Variants in TRIM71 observed in about 807,000 individuals in gnomAD.
TRIM71 encodes the protein E3 ubiquitin-protein ligase TRIM71.
In TRIM71, 9 loss-of-function variants were observed where a neutral mutation model predicts 61.2. That is an observed-to-expected ratio of 0.15 (90% CI 0.09 to 0.26). The LOEUF (loss-of-function observed/expected upper bound fraction) is 0.26, where lower values mean the gene tolerates loss of function less well. TRIM71 is among the 10% of genes least tolerant of loss of function. The probability of loss-of-function intolerance (pLI) is 1.00; values close to 1 mark genes in which losing one functional copy is unlikely to be tolerated. For missense variants in TRIM71, 998 were observed against 1,238.7 expected (o/e 0.81, Z 2.92); for synonymous variants, 645 against 553.2 (o/e 1.17, Z -2.33).
At chr3:32,831,311 C>A (rs1327075748) in intron 1 of TRIM71, among the ~76,000 whole-genome samples, 2 of 108,132 alleles carry the variant, frequency 1.8e-5, no homozygotes, top group African/African-American at 2.7e-5. Flanking sequence ...GACTTGATTT[C>A]TGACCGTTAA....
At chr3:32,847,282 C>T (rs897546497) in intron 1 of TRIM71, among the ~76,000 whole-genome samples, 3 of 151,548 alleles carry the variant, frequency 2.0e-5, no homozygotes, top group African/African-American at 4.9e-5. Context: ...CCGCAACCTC[C>T]GCGTCCCGGG....
chr3:32,844,043 C>CG (rs1350047015), intron 1 of TRIM71, among the ~76,000 whole-genome samples: 6 of 152,254 alleles, frequency 3.9e-5, no homozygotes, highest in African/African-American at 9.6e-5. Flanking sequence ...AAGTATTTTA[C>CG]GGGGAAATTA....
chr3:32,869,445 C>T (rs1696773475), intron 1 of TRIM71, among the ~76,000 whole-genome samples: 2 of 152,220 alleles, frequency 1.3e-5, no homozygotes, highest in African/African-American at 4.8e-5. Flanking sequence ...GTGTTTTAAA[C>T]CTGAAGCTCA....
chr3:32,829,626 TTGTGTG>T (rs10524029), intron 1 of TRIM71, among the ~76,000 whole-genome samples: 18 of 148,784 alleles, frequency 1.2e-4, no homozygotes, highest in Middle Eastern at 3.4e-3. Context: ...TGTCATGGTA[TTGTGTG>T]TGTGTGTGTG....
In TRIM71 at chr3:32,897,506, G is replaced by C. The variant is rs2060832913; in HGVS notation, c.*5695G>C. 6.6e-6 allele frequency: 1 copy of C among 151,842 alleles called. No individual in the cohort carries two copies. The highest frequency in any genetic ancestry group is 1.5e-5 in the Non-Finnish European group (1 of 68,024). The allele number at this position is 151,842 out of a possible 1,614,324, so 9.4% of individuals were successfully genotyped here. ...GGCAAAAGTGAGTTTTTGTTTGGTT[G>C]ATTTTGGGTTTTTTTCCCCCCTCCT... On this transcript the variant is annotated 3_prime_UTR_variant, in exon 4 of 4. Coordinates refer to ENST00000383763, the MANE Select transcript of TRIM71 (RefSeq NM_001039111.3).
intron 1 of TRIM71, among the ~76,000 whole-genome samples, chr3:32,859,698 G>A (rs1316808968): frequency 1.3e-5 from 2 of 152,112 alleles, no homozygotes; most frequent in African/African-American, 4.8e-5. Context: ...TGGGTGCCTG[G>A]GTTCCCTGGC....
intron 1 of TRIM71, among the ~76,000 whole-genome samples, chr3:32,843,897 A>G (rs1251730350): frequency 7.5e-6 from 1 of 133,160 alleles, no homozygotes; most frequent in Non-Finnish European, 1.6e-5. Flanking sequence ...GCCTTTGTGG[A>G]GGAGCTCCAT....
At chr3:32,882,124 T>G (rs1316732737) in intron 2 of TRIM71, among the ~76,000 whole-genome samples, 1 of 147,540 alleles carries the variant, frequency 6.8e-6, no homozygotes, top group East Asian at 1.9e-4. Flanking sequence ...GGGAGTGGTG[T>G]TTTTGTTTTT....
In TRIM71 at chr3:32,849,238, AGGTAGAGCGAGTTCATTT is replaced by A. The variant is rs575477911; in HGVS notation, c.853-24579_853-24562del. Among the ~76,000 whole-genome samples the A allele has an allele frequency of 3.3e-3, 502 of 152,348 alleles. 3 individuals are homozygous for A. Among genetic ancestry groups the A allele is most frequent in the Non-Finnish European group, 5.7e-3 (387 of 68,032 alleles). ...GTAGTTAAACATTGTTTCATGGTGAAGGTAGAGCGAGTTCATTTACCTGCCTTAGATTAGAAACGCTGG... is the reference window on the plus strand; with the variant it reads ...GTAGTTAAACATTGTTTCATGGTGAAACCTGCCTTAGATTAGAAACGCTGG... On this transcript the variant is annotated intron_variant, in intron 1 of 3. Transcript: ENST00000383763.
intron 1 of TRIM71, 139 bp downstream of exon 1, chr3:32,819,071 C>A: frequency 2.1e-6 from 2 of 936,230 alleles, no homozygotes; most frequent in Non-Finnish European, 1.7e-6. Context: ...CGTGGCAGTC[C>A]TTGCTACCAA....
intron 1 of TRIM71, among the ~76,000 whole-genome samples, chr3:32,824,764 A>G (rs965520322): frequency 2.0e-5 from 3 of 152,038 alleles, no homozygotes; most frequent in African/African-American, 7.2e-5. Context: ...GATTTCAGTC[A>G]TGAGCCACCT....
chr3:32,860,375 C>T (rs373226140), intron 1 of TRIM71, among the ~76,000 whole-genome samples: 5 of 151,970 alleles, frequency 3.3e-5, no homozygotes, highest in East Asian at 1.9e-4. Context: ...AGGCCGGTCT[C>T]GAACTCCTGA....
chr3:32,885,078 G>C (rs1696946068), intron 2 of TRIM71, among the ~76,000 whole-genome samples: 1 of 152,188 alleles, frequency 6.6e-6, no homozygotes, highest in South Asian at 2.1e-4. Context: ...AAACCCCTCA[G>C]TACAGAGCAA....
intron 1 of TRIM71, among the ~76,000 whole-genome samples, chr3:32,868,177 A>G (rs971679078): frequency 6.6e-6 from 1 of 152,048 alleles, no homozygotes; most frequent in African/African-American, 2.4e-5. Context: ...CTGTGTCCAT[A>G]CTGACTGCCT....
At chr3:32,854,858 A>G (rs1696578222) in intron 1 of TRIM71, among the ~76,000 whole-genome samples, 1 of 152,238 alleles carries the variant, frequency 6.6e-6, no homozygotes, top group African/African-American at 2.4e-5. Context: ...GGAATGAAGC[A>G]GTGAACAAGA....
Position 32,818,487 on chromosome 3 carries a change from G to C in TRIM71, c.407G>C (p.Arg136Pro). ...TADEPPPKNG[R>P]AGAPAGAGGH... ...GACGAGCCGCCGCCCAAGAACGGGC[G>C]CGCCGGCGCTCCGGCGGGAGCGGGC... The change falls in exon 1 of 4, where the codon CGC (arginine) becomes CCC (proline). Residue 136 changes from arginine to proline, a missense_variant. Around this residue, in one of 5 missense-constraint regions of TRIM71, gnomAD observed 527 missense variants for 427.8 expected, o/e 1.23. Coordinates refer to ENST00000383763, the MANE Select transcript of TRIM71 (RefSeq NM_001039111.3). 1 of 1,435,128 alleles carries C rather than the reference G, an allele frequency of 7.0e-7. No homozygotes were observed. Among genetic ancestry groups the C allele is most frequent in the Admixed American group, 2.7e-5 (1 of 36,486 alleles). 88.9% of individuals were successfully genotyped at this position (1,435,128 alleles called of 1,614,324 possible).
Position 32,890,254 on chromosome 3 carries a change from ATG to A in TRIM71, c.1156-102_1156-101del. The A allele has an allele frequency of 2.1e-6, 3 of 1,417,772 alleles. No homozygotes were observed. Among genetic ancestry groups the A allele is most frequent in the Non-Finnish European group, 1.9e-6 (2 of 1,049,866 alleles). 87.8% of individuals were successfully genotyped at this position (1,417,772 alleles called of 1,614,324 possible). On this transcript the variant is annotated intron_variant, in intron 3 of 3. Transcript: ENST00000383763. This position sits in a 1 kb window ranked among gnomAD's most constrained non-coding sequence, Gnocchi z 6.2. Reference sequence around the variant, plus strand: ...TGTCTTTTGTAGACCATCCCACAATATGTGTTTGTCTGATGCTTCCTTGTGAT... The same window carrying A: ...TGTCTTTTGTAGACCATCCCACAATATGTTTGTCTGATGCTTCCTTGTGAT...
In TRIM71 at chr3:32,867,703, T is replaced by A. The variant is rs902873854; in HGVS notation, c.853-6115T>A. Among the ~76,000 whole-genome samples, 4 of 151,992 alleles carry A rather than the reference T, an allele frequency of 2.6e-5. No individual in the cohort carries two copies. The South Asian group carries it at 8.3e-4, about 31-fold the overall frequency. On this transcript the variant is annotated intron_variant, in intron 1 of 3. Coordinates refer to ENST00000383763, the MANE Select transcript of TRIM71 (RefSeq NM_001039111.3). ...GTATATTGAGCTAATTAACATGCAT[T>A]GCCTCACATACTTATTTTTTTGTGG...
intron 2 of TRIM71, among the ~76,000 whole-genome samples, chr3:32,884,268 G>A (rs902619358): frequency 6.6e-6 from 1 of 152,092 alleles, no homozygotes; most frequent in Non-Finnish European, 1.5e-5. Context: ...GTGTTTTTGG[G>A]GCTGCACCTT....
Sources: gnomAD v4.1 joint callset for allele counts (sites outside exome capture counted in the v4.1 genomes callset) on GRCh38, gnomAD v4.1.1 for gene constraint, gnomAD v4.1.1 regional missense constraint, Gnocchi (gnomAD v3.1) non-coding constraint, MANE v1.5 for transcripts, NCBI Gene and HGNC (gene_info 2026-07-23, HGNC 2026-07-21) for gene names.